MTHFD2L: variants seen among roughly 807,000 people sequenced by gnomAD.
MTHFD2L encodes bifunctional methylenetetrahydrofolate dehydrogenase/cyclohydrolase 2, mitochondrial.
A neutral mutation model predicts 34.9 loss-of-function variants in MTHFD2L; 29 were observed. That is an observed-to-expected ratio of 0.83 (90% CI 0.62 to 1.13). The LOEUF (loss-of-function observed/expected upper bound fraction) is 1.13. Among genes scored for constraint, MTHFD2L ranks in the 50% most tolerant of loss-of-function variants. The pLI, the probability that MTHFD2L is intolerant of heterozygous loss-of-function variation, is 0.00. For missense variants in MTHFD2L, 481 were observed against 446.5 expected (o/e 1.08, Z -0.70); for synonymous variants, 167 against 155.7 (o/e 1.07, Z -0.54).
chr4:74,274,948 T>C (rs752345751), intron 6 of MTHFD2L, among the ~76,000 whole-genome samples: 3 of 152,184 alleles, frequency 2.0e-5, no homozygotes, highest in Non-Finnish European at 4.4e-5. Context: ...AGTCTTTATT[T>C]TTTAATTTTT....
At chr4:74,202,943 G>A (rs1282383398) in intron 5 of MTHFD2L, among the ~76,000 whole-genome samples, 3 of 152,096 alleles carry the variant, frequency 2.0e-5, no homozygotes, top group South Asian at 2.1e-4. Flanking sequence ...TGTTGAATTC[G>A]AGTTTCCTGA....
intron 1 of MTHFD2L, chr4:74,160,201 C>T (rs1260077933): frequency 1.2e-6 from 1 of 842,786 alleles, no homozygotes; most frequent in Non-Finnish European, 1.7e-6. Context: ...AGTCTGACAT[C>T]TTTTCTTTTG....
rs748156905 is a variant in MTHFD2L, at chr4:74,281,435, G to T, written c.816G>T (p.Lys272Asn). ...DIIIVAAGIPKLITSDMVKEG... is the reference protein window; with the variant it reads ...DIIIVAAGIPNLITSDMVKEG... ...TCTTTTTGTTTTCAGGTATTCCAAA[G>T]TTGATTACGTCTGATATGGTTAAAG... Residue 272 changes from lysine (K) to asparagine (N), a missense_variant, in exon 7 of 8, where the codon AAG becomes AAT. Coordinates refer to ENST00000325278, the MANE Select transcript of MTHFD2L (RefSeq NM_001144978.3). 6.2e-7 allele frequency: 1 copy of T among 1,611,616 alleles called. No homozygotes were observed. The highest frequency in any genetic ancestry group is 1.1e-5 in the South Asian group (1 of 90,880).
intron 6 of MTHFD2L, among the ~76,000 whole-genome samples, chr4:74,272,224 G>A (rs904615691): frequency 2.0e-5 from 3 of 152,146 alleles, no homozygotes; most frequent in Admixed American, 1.3e-4. Flanking sequence ...ATTAACAGGT[G>A]TGGGATCACG....
chr4:74,124,645 T>C (rs1721948096), upstream of MTHFD2L, among the ~76,000 whole-genome samples: 1 of 152,050 alleles, frequency 6.6e-6, no homozygotes, highest in Admixed American at 6.6e-5. Flanking sequence ...AATCATCATA[T>C]TCAAATTTAA....
At chr4:74,290,914 T>C (rs1041797059) in intron 7 of MTHFD2L, among the ~76,000 whole-genome samples, 2 of 151,836 alleles carry the variant, frequency 1.3e-5, no homozygotes, top group African/African-American at 4.8e-5. Context: ...CTTAATGCTA[T>C]ACTGCGTTGC....
intron 3 of MTHFD2L, among the ~76,000 whole-genome samples, chr4:74,189,485 C>CCCTTTTTTTTT (rs1168720652): frequency 8.3e-6 from 1 of 119,824 alleles, no homozygotes; most frequent in Non-Finnish European, 1.6e-5. Context: ...GTTTTTCTTC[C>CCCTTTTTTTTT]TTTTTTTTTT....
chr4:74,258,123 G>A (rs1189941048), intron 6 of MTHFD2L, among the ~76,000 whole-genome samples: 3 of 152,070 alleles, frequency 2.0e-5, no homozygotes, highest in African/African-American at 7.2e-5. Context: ...TCCTTGTTCT[G>A]TTAGTTTAAA....
At chr4:74,138,743 A>G (rs1723105136) in intron 1 of MTHFD2L, among the ~76,000 whole-genome samples, 1 of 152,140 alleles carries the variant, frequency 6.6e-6, no homozygotes, top group Non-Finnish European at 1.5e-5. Context: ...ATGGACCAGA[A>G]GAGTGTTCAG....
intron 1 of MTHFD2L, among the ~76,000 whole-genome samples, chr4:74,130,518 C>G (rs1722410549): frequency 6.6e-6 from 1 of 152,114 alleles, no homozygotes; most frequent in East Asian, 1.9e-4. Context: ...GCAGAAAAGG[C>G]CTTCAATAAA....
chr4:74,174,525 T>C lies in MTHFD2L; in HGVS notation c.163T>C (p.Ser55Pro), dbSNP rs1300774482. 2 of 1,559,612 alleles carry C rather than the reference T, an allele frequency of 1.3e-6. No homozygotes were observed. Among genetic ancestry groups the C allele is most frequent in the East Asian group, 4.7e-5 (2 of 42,272 alleles). The change falls in exon 2 of 8, where the codon TCA becomes CCA. Residue 55 changes from serine (S) to proline (P), a missense_variant. Transcript: ENST00000325278. Reference sequence around the variant, plus strand: ...CCACAGACATGAAGCCATTATTATATCAGGAACCGAAATGGCCAAGCATAT... The same window carrying C: ...CCACAGACATGAAGCCATTATTATACCAGGAACCGAAATGGCCAAGCATAT... ...SGVRHEAIII[S>P]GTEMAKHIQK... is the part of the protein sequence containing the mutation.
At chr4:74,150,968 A>C (rs1442549721) in intron 1 of MTHFD2L, among the ~76,000 whole-genome samples, 1 of 152,052 alleles carries the variant, frequency 6.6e-6, no homozygotes, top group African/African-American at 2.4e-5. Flanking sequence ...TCACTGATGA[A>C]ATAATGCTAT....
chr4:74,213,263 C>T (rs1303825108), intron 5 of MTHFD2L, among the ~76,000 whole-genome samples: 2 of 151,884 alleles, frequency 1.3e-5, no homozygotes, highest in Non-Finnish European at 2.9e-5. Flanking sequence ...TTATTTTGCC[C>T]CATTAGTTGA....
At chr4:74,189,485 C>CTTTTTT (rs55665552) in intron 3 of MTHFD2L, among the ~76,000 whole-genome samples, 8 of 119,778 alleles carry the variant, frequency 6.7e-5, no homozygotes, top group African/African-American at 2.0e-4. Context: ...GTTTTTCTTC[C>CTTTTTT]TTTTTTTTTT....
intron 6 of MTHFD2L, among the ~76,000 whole-genome samples, chr4:74,227,413 A>G (rs969776150): frequency 7.2e-5 from 11 of 152,100 alleles, no homozygotes; most frequent in African/African-American, 2.7e-4. Context: ...TTTCATTACT[A>G]TATGGGGTGG....
At chr4:74,242,923 C>A (rs1025595500) in intron 6 of MTHFD2L, among the ~76,000 whole-genome samples, 8 of 152,330 alleles carry the variant, frequency 5.3e-5, no homozygotes, top group African/African-American at 1.9e-4. Context: ...AACTACAATT[C>A]TATAACTCTC....
At chr4:74,132,847 T>G (rs1722649906) in intron 1 of MTHFD2L, among the ~76,000 whole-genome samples, 1 of 152,210 alleles carries the variant, frequency 6.6e-6, no homozygotes, top group South Asian at 2.1e-4. Flanking sequence ...AACAGGTTGT[T>G]GTCGCTATTA....
rs1560506675 is a variant in MTHFD2L, at chr4:74,225,412, G to A, written c.805+18G>A. ...TGCTGCAGGTAAGTCCTTAGTGACT[G>A]TTATTTTTTGGAATGTCATCAGCAG... On this transcript the variant is annotated intron_variant, in intron 6 of 7. Transcript: ENST00000325278. 2 of 1,594,254 alleles carry A rather than the reference G, an allele frequency of 1.3e-6. No individual in the cohort carries two copies. Among genetic ancestry groups the A allele is most frequent in the Non-Finnish European group, 1.7e-6 (2 of 1,164,474 alleles).
chr4:74,144,801 T>G (rs1360566729), intron 1 of MTHFD2L, among the ~76,000 whole-genome samples: 1 of 152,214 alleles, frequency 6.6e-6, no homozygotes, highest in African/African-American at 2.4e-5. Flanking sequence ...TTCATTAATC[T>G]TTATTTCTGT....
Sources: gnomAD v4.1 joint callset for allele counts (sites outside exome capture counted in the v4.1 genomes callset) on GRCh38, gnomAD v4.1.1 for gene constraint, MANE v1.5 for transcripts, NCBI Gene and HGNC (gene_info 2026-07-23, HGNC 2026-07-21) for gene names.